Variants in KCNMB2 observed in about 807,000 individuals in gnomAD.
The protein encoded by KCNMB2 is calcium-activated potassium channel subunit beta-2.
Under a neutral mutation model 24.5 loss-of-function variants are expected in KCNMB2, and 9 were observed. That is an observed-to-expected ratio of 0.37 (90% CI 0.22 to 0.64). The LOEUF (loss-of-function observed/expected upper bound fraction) is 0.64, where lower values mean the gene tolerates loss of function less well. KCNMB2 is among the 30% of genes least tolerant of loss of function. KCNMB2 has a pLI of 0.63. For missense variants in KCNMB2, 226 were observed against 284.3 expected (o/e 0.79, Z 1.47); for synonymous variants, 109 against 104.4 (o/e 1.04, Z -0.27).
intron 1 of KCNMB2, among the ~76,000 whole-genome samples, chr3:178,611,566 G>A (rs1718484894): frequency 6.6e-6 from 1 of 152,030 alleles, no homozygotes; most frequent in Admixed American, 6.6e-5. Flanking sequence ...TTAGCTGGAC[G>A]TGGTGGCAGG....
intron 1 of KCNMB2, among the ~76,000 whole-genome samples, chr3:178,756,033 A>T (rs192879354): frequency 6.6e-6 from 1 of 152,198 alleles, no homozygotes; most frequent in African/African-American, 2.4e-5. Context: ...TGCTATATTC[A>T]TAAAATGAAA....
intron 1 of KCNMB2, among the ~76,000 whole-genome samples, chr3:178,734,389 T>C (rs1055750273): frequency 3.1e-4 from 47 of 152,188 alleles, no homozygotes; most frequent in African/African-American, 1.0e-3. Flanking sequence ...ATTTTTGTGC[T>C]TCCTCAGTCT....
At chr3:178,746,327 C>T (rs12696462) in intron 1 of KCNMB2, among the ~76,000 whole-genome samples, 54,205 of 152,032 alleles carry the variant, frequency 0.36, 10,081 homozygotes, top group African/African-American at 0.46. Flanking sequence ...TACATTGACC[C>T]GTTTCAGCCA....
At chr3:178,606,875 A>G (rs936070844) in intron 1 of KCNMB2, among the ~76,000 whole-genome samples, 5 of 152,192 alleles carry the variant, frequency 3.3e-5, no homozygotes, top group African/African-American at 1.2e-4. Context: ...ACAAGATGAG[A>G]TACCAGAAAG....
intron 1 of KCNMB2, among the ~76,000 whole-genome samples, chr3:178,691,631 C>A (rs1377441080): frequency 6.6e-6 from 1 of 152,148 alleles, no homozygotes; most frequent in Non-Finnish European, 1.5e-5. Context: ...TGTGTATGTA[C>A]CACATGTTAT....
chr3:178,575,307 AG>A (rs1308601615), intron 1 of KCNMB2, among the ~76,000 whole-genome samples: 1 of 152,134 alleles, frequency 6.6e-6, no homozygotes, highest in African/African-American at 2.4e-5. Flanking sequence ...GTTCTGGGGT[AG>A]GGGGTTATGT....
chr3:178,646,121 G>C (rs1719915079), intron 1 of KCNMB2, among the ~76,000 whole-genome samples: 1 of 152,142 alleles, frequency 6.6e-6, no homozygotes, highest in South Asian at 2.1e-4. Flanking sequence ...AGGTGACAGT[G>C]TCCAGAGAAG....
At position 178,828,184 on chromosome 3, in the gene KCNMB2, G is replaced by A; in HGVS notation, c.234G>A (p.Trp78Ter). ...TLLRSYMQSV[W>*]TEESQCTLLN... ...CTCACCCCTTTCTCTGCAGCGTGTG[G>A]ACCGAAGAGTCTCAATGCACCTTGC... The change falls in exon 4 of 5, where the codon TGG becomes TGA. Residue 78 changes from tryptophan (W) to a stop codon, truncating the protein, a stop_gained. Transcript: ENST00000452583. LOFTEE classifies it high-confidence loss of function. The A allele has an allele frequency of 6.2e-7, 1 of 1,613,174 alleles. No individual in the cohort carries two copies. Among genetic ancestry groups the A allele is most frequent in the Non-Finnish European group, 8.5e-7 (1 of 1,179,326 alleles).
intron 1 of KCNMB2, among the ~76,000 whole-genome samples, chr3:178,556,069 A>T (rs889777788): frequency 3.3e-5 from 5 of 152,210 alleles, no homozygotes; most frequent in Non-Finnish European, 7.3e-5. Context: ...AGAGTGAAAG[A>T]TAACCAGAAT....
At chr3:178,601,193 AG>A (rs1214487119) in intron 1 of KCNMB2, among the ~76,000 whole-genome samples, 1 of 36,974 alleles carries the variant, frequency 2.7e-5, no homozygotes, top group Non-Finnish European at 5.1e-5. Context: ...GGGGCCTGTC[AG>A]GGGGTTGGGG....
At position 178,680,911 on chromosome 3, in the gene KCNMB2, T is replaced by C. The variant is rs953281142; in HGVS notation, c.-67-126432T>C. Reference sequence around the variant, plus strand: ...AGATAAGTGCCTGAAGGACTGTCATTGAAAGCTTTTCAGGCTACCTCTGTG... The same window carrying C: ...AGATAAGTGCCTGAAGGACTGTCATCGAAAGCTTTTCAGGCTACCTCTGTG... On this transcript the variant is annotated intron_variant, in intron 1 of 4. Coordinates refer to ENST00000452583, the MANE Select transcript of KCNMB2 (RefSeq NM_181361.3). 5.0e-4 allele frequency among the ~76,000 whole-genome samples: 76 copies of C among 152,142 alleles called. 1 individual carries two copies. Among genetic ancestry groups the C allele is most frequent in the African/African-American group, 1.8e-3 (74 of 41,428 alleles).
At chr3:178,834,953 G>C (rs938462217) in intron 4 of KCNMB2, among the ~76,000 whole-genome samples, 1 of 151,866 alleles carries the variant, frequency 6.6e-6, no homozygotes. Context: ...CCAAGACAGA[G>C]GGCCATGGTG....
chr3:178,577,618 C>T (rs1428099047), intron 1 of KCNMB2, among the ~76,000 whole-genome samples: 4 of 152,002 alleles, frequency 2.6e-5, no homozygotes, highest in East Asian at 1.9e-4. Flanking sequence ...AGCTAAGAAC[C>T]TTGAAAAAAG....
chr3:178,697,830 GA>G (rs1721937740), intron 1 of KCNMB2, among the ~76,000 whole-genome samples: 1 of 152,132 alleles, frequency 6.6e-6, no homozygotes, highest in Non-Finnish European at 1.5e-5. Context: ...TTGCTTGTCA[GA>G]AAAGAATCTT....
intron 1 of KCNMB2, among the ~76,000 whole-genome samples, chr3:178,681,758 C>T (rs1721278886): frequency 6.6e-6 from 1 of 152,168 alleles, no homozygotes; most frequent in African/African-American, 2.4e-5. Context: ...CTCAAGTAGA[C>T]AAAGAACTAG....
rs924843663 is a variant in KCNMB2, at chr3:178,786,188, T to C, written c.-67-21155T>C. Among the ~76,000 whole-genome samples the C allele has an allele frequency of 7.2e-5, 11 of 152,280 alleles. 1 individual carries two copies. The highest frequency in any genetic ancestry group is 6.8e-3 in the Middle Eastern group (2 of 294). ...TCAGTATGCTGGTTTCCTTCAGGAATAGAATTTTACACATATTATGAGTTC... is the reference window on the plus strand; with the variant it reads ...TCAGTATGCTGGTTTCCTTCAGGAACAGAATTTTACACATATTATGAGTTC... On this transcript the variant is annotated intron_variant, in intron 1 of 4. Transcript: ENST00000452583.
intron 1 of KCNMB2, among the ~76,000 whole-genome samples, chr3:178,600,466 A>C (rs2108507144): frequency 6.6e-6 from 1 of 152,346 alleles, no homozygotes; most frequent in South Asian, 2.1e-4. Context: ...CTCTGTTTTT[A>C]ATTTTTTAAG....
At chr3:178,580,324 C>T (rs953528823) in intron 1 of KCNMB2, among the ~76,000 whole-genome samples, 1 of 152,090 alleles carries the variant, frequency 6.6e-6, no homozygotes, top group Non-Finnish European at 1.5e-5. Context: ...ATTCAACAGC[C>T]CTTCATGCTA....
At chr3:178,713,653 T>A (rs1232772921) in intron 1 of KCNMB2, among the ~76,000 whole-genome samples, 1 of 152,108 alleles carries the variant, frequency 6.6e-6, no homozygotes, top group East Asian at 1.9e-4. Context: ...AGGTATGGTC[T>A]CTGCCACACA....
Sources: gnomAD v4.1 joint callset for allele counts (sites outside exome capture counted in the v4.1 genomes callset) on GRCh38, gnomAD v4.1.1 for gene constraint, MANE v1.5 for transcripts, NCBI Gene and HGNC (gene_info 2026-07-23, HGNC 2026-07-21) for gene names.